The following RBFOX1 variants were observed in gnomAD, a reference collection of about 807,000 sequenced individuals.
The protein encoded by RBFOX1 is RNA binding protein fox-1 homolog 1.
RBFOX1 carries 8 observed loss-of-function variants against 57.7 expected under a neutral mutation model. The ratio of observed to expected loss-of-function variants is 0.14; its 90% CI spans 0.08 to 0.25. The LOEUF is 0.25. Among genes scored for constraint, RBFOX1 ranks in the 10% least tolerant of loss-of-function variants. The pLI is 1.00. For synonymous variants in RBFOX1, 326 were observed against 222.4 expected, an observed-to-expected ratio of 1.47 and a Z score of -4.15; for missense variants, 611 against 548.5, an observed-to-expected ratio of 1.11 and a Z score of -1.14.
intron 1 of RBFOX1, among the ~76,000 whole-genome samples, chr16:5,424,927 CTT>C (rs1567490051): frequency 6.6e-5 from 5 of 75,676 alleles, no homozygotes; most frequent in African/African-American, 9.9e-5. Flanking sequence ...TTCTTTCTTT[CTT>C]TCTTTCTCTC....
chr16:7,078,797 C>T (rs1423436942), intron 4 of RBFOX1, among the ~76,000 whole-genome samples: 1 of 149,184 alleles, frequency 6.7e-6, no homozygotes, highest in Non-Finnish European at 1.5e-5. Context: ...ATTCTCCTGC[C>T]TCATCCTCCC....
chr16:6,708,049 C>A (rs988263103), intron 3 of RBFOX1, among the ~76,000 whole-genome samples: 7 of 152,260 alleles, frequency 4.6e-5, no homozygotes, highest in African/African-American at 1.7e-4. Flanking sequence ...TTTCCATCGT[C>A]TTTCCCCTGG....
chr16:5,997,394 T>C (rs1384512591), intron 4 of RBFOX1, among the ~76,000 whole-genome samples: 1 of 152,198 alleles, frequency 6.6e-6, no homozygotes, highest in Non-Finnish European at 1.5e-5. Flanking sequence ...CATGAATTTG[T>C]AGCTACATGA....
chr16:6,098,420 C>G (rs1017391077), intron 1 of RBFOX1, among the ~76,000 whole-genome samples: 2 of 152,236 alleles, frequency 1.3e-5, no homozygotes, highest in East Asian at 1.9e-4. Context: ...CCCACTTGCA[C>G]TGCCTCCTAA....
At chr16:7,385,441 T>A (rs536130973) in intron 4 of RBFOX1, among the ~76,000 whole-genome samples, 4 of 152,274 alleles carry the variant, frequency 2.6e-5, no homozygotes, top group Admixed American at 6.5e-5. Flanking sequence ...TTAAAATGAT[T>A]CCAGGATGGA....
intron 2 of RBFOX1, among the ~76,000 whole-genome samples, chr16:6,528,857 T>C (rs1419523870): frequency 1.3e-5 from 2 of 152,142 alleles, no homozygotes; most frequent in East Asian, 3.9e-4. Context: ...CAAACAAAAA[T>C]GTCTCCAGGC....
intron 2 of RBFOX1, among the ~76,000 whole-genome samples, chr16:6,324,218 T>G (rs1181598333): frequency 6.8e-6 from 1 of 146,708 alleles, no homozygotes; most frequent in African/African-American, 2.5e-5. Context: ...AGCTCCCATT[T>G]ACAAGAACTA....
At chr16:6,350,183 T>A (rs896340018) in intron 2 of RBFOX1, among the ~76,000 whole-genome samples, 22 of 152,146 alleles carry the variant, frequency 1.4e-4, no homozygotes, top group African/African-American at 5.1e-4. Flanking sequence ...ACGCCTGTAA[T>A]CCCAGCTCTT....
intron 1 of RBFOX1, among the ~76,000 whole-genome samples, chr16:6,211,187 TC>T (rs1255265364): frequency 1.1e-5 from 1 of 87,308 alleles, no homozygotes; most frequent in Non-Finnish European, 3.2e-5. Flanking sequence ...GTTTTCTTCT[TC>T]TTTTTTTTTT....
chr16:7,533,768 T>G (rs1201941910), intron 5 of RBFOX1, among the ~76,000 whole-genome samples: 2 of 152,234 alleles, frequency 1.3e-5, no homozygotes, highest in African/African-American at 4.8e-5. Flanking sequence ...TGAAATATCG[T>G]AAGTTAGGAA....
At chr16:5,603,701 G>T (rs1196575565), downstream of RBFOX1, among the ~76,000 whole-genome samples, 4 of 152,186 alleles carry the variant, frequency 2.6e-5, no homozygotes, top group Non-Finnish European at 5.9e-5. Flanking sequence ...GTGTTGAGGT[G>T]GCATGGTGGA....
At chr16:6,142,189 CAAAAAAAAAAA>C (rs71142685) in intron 1 of RBFOX1, among the ~76,000 whole-genome samples, 5 of 49,094 alleles carry the variant, frequency 1.0e-4, no homozygotes, top group African/African-American at 1.8e-4. Flanking sequence ...GCTGCTGCTG[CAAAAAAAAAAA>C]AAAAAAAAAA....
At chr16:7,483,305 C>T (rs17143804) in intron 4 of RBFOX1, among the ~76,000 whole-genome samples, 23,913 of 152,184 alleles carry the variant, frequency 0.16, 2,219 homozygotes, top group African/African-American at 0.26. Flanking sequence ...GCGTTGGCTT[C>T]ACAATCTGGC....
chr16:6,974,623 G>T lies in RBFOX1; in HGVS notation c.-15-77434G>T, dbSNP rs986871333. Among the ~76,000 whole-genome samples the T allele has an allele frequency of 2.0e-5, 3 of 152,064 alleles. No individual in the cohort carries two copies. In the South Asian group the frequency reaches 6.2e-4, roughly 32 times the overall value. On this transcript the variant is annotated intron_variant, in intron 3 of 15. Transcript: ENST00000550418. Reference sequence around the variant, plus strand: ...GCCTCCCAAAGTGCTGGGATTACAGGCGTGAGTCACTGCACCTGGCCCATA... The same window carrying T: ...GCCTCCCAAAGTGCTGGGATTACAGTCGTGAGTCACTGCACCTGGCCCATA...
At chr16:7,554,156 T>G (rs1026126009) in intron 5 of RBFOX1, among the ~76,000 whole-genome samples, 3 of 152,126 alleles carry the variant, frequency 2.0e-5, no homozygotes, top group Non-Finnish European at 4.4e-5. Context: ...AGCCCAAAGC[T>G]TAGTTGGGCT....
intron 2 of RBFOX1, among the ~76,000 whole-genome samples, chr16:6,504,864 C>G (rs1237694114): frequency 1.3e-5 from 2 of 151,684 alleles, no homozygotes; most frequent in African/African-American, 2.4e-5. Context: ...GACTAGCCTG[C>G]CCAACATGGT....
At chr16:6,801,553 T>A (rs2085455984) in intron 3 of RBFOX1, among the ~76,000 whole-genome samples, 1 of 151,946 alleles carries the variant, frequency 6.6e-6, no homozygotes, top group Admixed American at 6.6e-5. Flanking sequence ...AAATTTAGGG[T>A]GCAGCAAAAG....
chr16:7,002,670 C>G (rs1209757330), intron 3 of RBFOX1, among the ~76,000 whole-genome samples: 1 of 152,150 alleles, frequency 6.6e-6, no homozygotes, highest in African/African-American at 2.4e-5. Flanking sequence ...CGAGATTGCG[C>G]CACTGCACTC....
At chr16:5,537,185 G>A (rs1448544068) in intron 2 of RBFOX1, among the ~76,000 whole-genome samples, 1 of 152,156 alleles carries the variant, frequency 6.6e-6, no homozygotes, top group Non-Finnish European at 1.5e-5. Flanking sequence ...CTCACCAGCA[G>A]CATCTTTAAT....
Sources: allele counts gnomAD v4.1 joint callset (sites outside exome capture counted in the v4.1 genomes callset), GRCh38; gene constraint gnomAD v4.1.1; transcripts MANE v1.5; gene names NCBI Gene and HGNC (gene_info 2026-07-23, HGNC 2026-07-21).